Variants in MCTP2 observed in about 807,000 individuals in gnomAD.
MCTP2 encodes the protein multiple C2 and transmembrane domain-containing protein 2.
MCTP2 carries 132 observed loss-of-function variants against 111.6 expected under a neutral mutation model. That is an observed-to-expected ratio of 1.18 (90% CI 1.03 to 1.37). The LOEUF is 1.37. MCTP2 is among the 40% of genes most tolerant of loss of function. MCTP2 has a pLI of 0.00. For missense variants in MCTP2, 1,183 were observed against 1,067.9 expected (o/e 1.11, Z -1.50); for synonymous variants, 395 against 387.7 (o/e 1.02, Z -0.22).
chr15:94,422,388 A>G (rs2082668004), intron 17 of MCTP2, among the ~76,000 whole-genome samples: 1 of 151,686 alleles, frequency 6.6e-6, no homozygotes, highest in Non-Finnish European at 1.5e-5. Flanking sequence ...TCCCCACGTG[A>G]CTCTACACAG....
chr15:94,344,017 TG>T (rs1408208049), intron 7 of MCTP2: 1 of 152,000 alleles, frequency 6.6e-6, no homozygotes, highest in Non-Finnish European at 1.5e-5. Flanking sequence ...TAATTAATTT[TG>T]GTGGTTGGTT....
chr15:94,453,928 A>G (rs1288075953), intron 19 of MCTP2, among the ~76,000 whole-genome samples: 3 of 152,190 alleles, frequency 2.0e-5, no homozygotes, highest in African/African-American at 7.2e-5. Flanking sequence ...ATGTTGATAT[A>G]TCTCTCTGTG....
chr15:94,295,942 G>T (rs1363610707), intron 1 of MCTP2, among the ~76,000 whole-genome samples: 2 of 151,630 alleles, frequency 1.3e-5, no homozygotes, highest in African/African-American at 4.8e-5. Context: ...CTGTCTGGTT[G>T]TAATTAGTGT....
At chr15:94,360,691 G>A (rs1489602597) in intron 10 of MCTP2, among the ~76,000 whole-genome samples, 3 of 151,976 alleles carry the variant, frequency 2.0e-5, no homozygotes, top group Non-Finnish European at 4.4e-5. Context: ...TGAGTGTTGG[G>A]TTGCTTCACA....
At chr15:94,467,511 T>C (rs570242199) in intron 20 of MCTP2, among the ~76,000 whole-genome samples, 1 of 152,318 alleles carries the variant, frequency 6.6e-6, no homozygotes, top group East Asian at 1.9e-4. Context: ...GTATGTAGCT[T>C]TGAGCCCGCG....
At chr15:94,434,609 GT>G (rs1438745435) in intron 17 of MCTP2, among the ~76,000 whole-genome samples, 11 of 151,754 alleles carry the variant, frequency 7.2e-5, no homozygotes, top group Non-Finnish European at 1.2e-4. Context: ...TAGTGCCAGT[GT>G]TTAAAAAAAA....
intron 2 of MCTP2, among the ~76,000 whole-genome samples, chr15:94,312,914 G>A (rs991004011): frequency 6.6e-6 from 1 of 152,158 alleles, no homozygotes; most frequent in African/African-American, 2.4e-5. Flanking sequence ...CAGAGCGAAT[G>A]TGTGTCTCGG....
rs11352999 is a variant in MCTP2, at chr15:94,437,155, CAAAAAAAA to C, written c.2086-3005_2086-2998del. ...TTCAAAAATTTCACACTTACACATC[CAAAAAAAA>C]AAAAAAAAAAAAAAAGAGGTTTAGC... On this transcript the variant is annotated intron_variant, in intron 17 of 22. Coordinates refer to ENST00000357742, the MANE Select transcript of MCTP2 (RefSeq NM_001385001.1). Among the ~76,000 whole-genome samples, 644 of 69,620 alleles carry C rather than the reference CAAAAAAAA, an allele frequency of 9.3e-3. 2 individuals are homozygous for C. The highest frequency in any genetic ancestry group is 0.022 in the Middle Eastern group (2 of 92). 45.7% of individuals were successfully genotyped at this position (69,620 alleles called of 152,430 possible). A position where few individuals can be genotyped will look rare whatever the true frequency, so the allele number is the denominator to read the frequency against.
intron 4 of MCTP2, among the ~76,000 whole-genome samples, chr15:94,318,322 C>G (rs1454928915): frequency 6.8e-6 from 1 of 147,340 alleles, no homozygotes; most frequent in Admixed American, 7.0e-5. Flanking sequence ...CTAGCTCTGT[C>G]GCCCAGGCTG....
chr15:94,280,415 G>T (rs2074420216), intron 1 of MCTP2, among the ~76,000 whole-genome samples: 1 of 140,180 alleles, frequency 7.1e-6, no homozygotes, highest in African/African-American at 2.6e-5. Context: ...AGTCTCGAGG[G>T]TTTTTTTTTT....
chr15:94,457,866 G>A (rs943086828), intron 19 of MCTP2, among the ~76,000 whole-genome samples: 8 of 152,154 alleles, frequency 5.3e-5, no homozygotes, highest in Non-Finnish European at 8.8e-5. Flanking sequence ...CCTCCACGGG[G>A]AAGTGAAGTG....
chr15:94,428,445 T>A (rs1844928904), intron 17 of MCTP2, among the ~76,000 whole-genome samples: 1 of 152,232 alleles, frequency 6.6e-6, no homozygotes, highest in South Asian at 2.1e-4. Context: ...AGTTGTTTTT[T>A]CAGTTCTACT....
intron 19 of MCTP2, 81 bp downstream of exon 19, chr15:94,443,041 T>TCC: frequency 1.1e-6 from 1 of 945,634 alleles, no homozygotes; most frequent in Non-Finnish European, 1.5e-6. Flanking sequence ...TGAGTCTCTC[T>TCC]CCTCTCTTTT....
Position 94,416,865 on chromosome 15 carries a change from G to A in MCTP2, c.2085+14846G>A, listed in dbSNP as rs72751334. Among the ~76,000 whole-genome samples the A allele has an allele frequency of 6.2e-3, 947 of 152,244 alleles. 6 individuals carry two copies. The highest frequency in any genetic ancestry group is 9.2e-3 in the Non-Finnish European group (628 of 67,986). On this transcript the variant is annotated intron_variant, in intron 17 of 22. Transcript: ENST00000357742. Reference sequence around the variant, plus strand: ...GGAAAAGGGATTTCTCCCCTTCCTCGTCTTTGTCATCTCCTTCTCCCTCCC... The same window carrying A: ...GGAAAAGGGATTTCTCCCCTTCCTCATCTTTGTCATCTCCTTCTCCCTCCC...
chr15:94,317,528 C>A (rs1183901872), intron 4 of MCTP2, among the ~76,000 whole-genome samples: 4 of 152,220 alleles, frequency 2.6e-5, no homozygotes, highest in Non-Finnish European at 5.9e-5. Flanking sequence ...ACAGTGCTGG[C>A]CCATCCAGCT....
chr15:94,275,777 GA>G (rs2074157060), intron 1 of MCTP2, among the ~76,000 whole-genome samples: 1 of 146,312 alleles, frequency 6.8e-6, no homozygotes, highest in African/African-American at 2.5e-5. Context: ...TAATAAAATA[GA>G]AAAAACATAG....
intron 19 of MCTP2, 108 bp downstream of exon 19, chr15:94,443,068 ATG>A: frequency 2.8e-6 from 2 of 721,484 alleles, no homozygotes; most frequent in Non-Finnish European, 4.4e-6. Flanking sequence ...TTTTTTTAAT[ATG>A]ATAGAGTTAC....
At position 94,479,440 on chromosome 15, in the gene MCTP2, AG is replaced by A; in HGVS notation, c.*407del. ...TAAGATTCAGTTATTTCCGCTCCCCAGCCCCACACTCCTTTCAGATTATCGT... is the reference window on the plus strand; with the variant it reads ...TAAGATTCAGTTATTTCCGCTCCCCACCCCACACTCCTTTCAGATTATCGT... On this transcript the variant is annotated 3_prime_UTR_variant, in exon 23 of 23. Transcript: ENST00000357742. 1 of 202,504 alleles carries A rather than the reference AG, an allele frequency of 4.9e-6. No individual in the cohort carries two copies. The highest frequency in any genetic ancestry group is 5.2e-5 in the Admixed American group (1 of 19,084). 12.5% of individuals were successfully genotyped at this position (202,504 alleles called of 1,614,324 possible). A position where few individuals can be genotyped will look rare whatever the true frequency, so the allele number is the denominator to read the frequency against.
chr15:94,382,674 G>A (rs966229417), intron 12 of MCTP2, among the ~76,000 whole-genome samples: 5 of 152,246 alleles, frequency 3.3e-5, no homozygotes, highest in African/African-American at 9.6e-5. Flanking sequence ...TCAGTGACCC[G>A]AATGGTAGGC....
Sources: gnomAD v4.1 joint callset for allele counts (sites outside exome capture counted in the v4.1 genomes callset) on GRCh38, gnomAD v4.1.1 for gene constraint, MANE v1.5 for transcripts, NCBI Gene and HGNC (gene_info 2026-07-23, HGNC 2026-07-21) for gene names.